NCOA2: variants seen among roughly 807,000 people sequenced by gnomAD.
The protein encoded by NCOA2 is class E basic helix-loop-helix protein 75.
In NCOA2, 21 loss-of-function variants were observed where a neutral mutation model predicts 145.1. That is an observed-to-expected ratio of 0.14 (90% CI 0.10 to 0.21). The LOEUF (loss-of-function observed/expected upper bound fraction) is 0.21. Among genes scored for constraint, NCOA2 ranks in the 10% least tolerant of loss-of-function variants. The pLI is 1.00. For synonymous variants in NCOA2, 619 were observed against 637.5 expected (o/e 0.97, Z 0.44); for missense variants, 1,472 against 1,837.6 (o/e 0.80, Z 3.64).
intron 1 of NCOA2, among the ~76,000 whole-genome samples, chr8:70,352,718 A>G (rs942120310): frequency 6.6e-6 from 1 of 152,258 alleles, no homozygotes; most frequent in African/African-American, 2.4e-5. Context: ...CCGTTACTGC[A>G]TGTAACATAC....
intron 1 of NCOA2, among the ~76,000 whole-genome samples, chr8:70,341,518 T>C (rs938176813): frequency 3.9e-5 from 6 of 152,234 alleles, no homozygotes; most frequent in Non-Finnish European, 7.3e-5. Context: ...AATATACACA[T>C]ACATAGCCAC....
intron 4 of NCOA2, among the ~76,000 whole-genome samples, chr8:70,203,877 C>T (rs1563615428): frequency 6.6e-6 from 1 of 152,144 alleles, no homozygotes; most frequent in Admixed American, 6.5e-5. Context: ...CTGCGCAGCA[C>T]TAACATAAAA....
intron 1 of NCOA2, among the ~76,000 whole-genome samples, chr8:70,402,993 C>T (rs1814490464): frequency 6.8e-6 from 1 of 146,874 alleles, no homozygotes; most frequent in South Asian, 2.1e-4. Flanking sequence ...CCCCCACCCC[C>T]GGGGCTGACA....
intron 10 of NCOA2, among the ~76,000 whole-genome samples, chr8:70,158,640 T>C (rs1320846081): frequency 6.6e-6 from 1 of 152,132 alleles, no homozygotes. Flanking sequence ...TAATCACAGC[T>C]ACTCAGGAGG....
At chr8:70,170,072 C>T in intron 6 of NCOA2, 130 bp downstream of exon 6, 1 of 872,298 alleles carries the variant, frequency 1.1e-6, no homozygotes, top group Non-Finnish European at 1.7e-6. Context: ...TAAAAAACTA[C>T]CCAGTCACTC....
intron 2 of NCOA2, 52 bp downstream of exon 2, chr8:70,296,692 A>T (rs991351265): frequency 6.6e-6 from 1 of 152,206 alleles, no homozygotes; most frequent in African/African-American, 2.4e-5. Flanking sequence ...GAATTTTAAA[A>T]TTTTAATTAA....
chr8:70,352,223 C>T (rs1377343841), intron 1 of NCOA2, among the ~76,000 whole-genome samples: 2 of 152,012 alleles, frequency 1.3e-5, no homozygotes, highest in Non-Finnish European at 2.9e-5. Flanking sequence ...GAATTGATCC[C>T]TCTCTTAATC....
At chr8:70,389,581 A>G (rs1000776900) in intron 1 of NCOA2, among the ~76,000 whole-genome samples, 1 of 146,304 alleles carries the variant, frequency 6.8e-6, no homozygotes, top group Admixed American at 6.8e-5. Flanking sequence ...TGCCTGGCCA[A>G]CGCCAACATT....
intron 11 of NCOA2, among the ~76,000 whole-genome samples, chr8:70,154,724 G>C (rs1241555713): frequency 2.0e-5 from 3 of 152,236 alleles, no homozygotes; most frequent in East Asian, 1.9e-4. Flanking sequence ...TTTTAATAAA[G>C]AAAAATAGCT....
chr8:70,412,712 T>G, the NCOA2 span, among the ~76,000 whole-genome samples: 2 of 148,660 alleles, frequency 1.3e-5, no homozygotes, highest in South Asian at 4.2e-4. Context: ...GAATCACATC[T>G]CATTTGAGTA....
chr8:70,243,702 T>C (rs915560923), intron 2 of NCOA2, among the ~76,000 whole-genome samples: 6 of 150,920 alleles, frequency 4.0e-5, no homozygotes, highest in Non-Finnish European at 1.5e-5. Context: ...GAAAATGGTA[T>C]GTAACCCTGA....
upstream of NCOA2, among the ~76,000 whole-genome samples, chr8:70,408,144 C>G (rs1397282524): frequency 6.6e-6 from 1 of 151,870 alleles, no homozygotes; most frequent in African/African-American, 2.4e-5. Flanking sequence ...AATCTTGGCT[C>G]TTACTAACTG....
At chr8:70,326,425 TCTCTCA>T (rs1806559496) in intron 1 of NCOA2, among the ~76,000 whole-genome samples, 2 of 142,240 alleles carry the variant, frequency 1.4e-5, no homozygotes, top group Non-Finnish European at 3.0e-5. Flanking sequence ...TGCATTTCTC[TCTCTCA>T]CACACACACA....
At position 70,159,528 on chromosome 8, in the gene NCOA2, T is replaced by C; in HGVS notation, c.1101A>G (p.Val367=). 1 of 1,610,338 alleles carries C rather than the reference T, an allele frequency of 6.2e-7. No homozygotes were observed. The highest frequency in any genetic ancestry group is 8.5e-7 in the Non-Finnish European group (1 of 1,176,910). The change falls in exon 10 of 23, where the codon GTA becomes GTG. Residue 367 remains valine (V), a synonymous_variant. Transcript: ENST00000452400. The part of the protein sequence containing the change: ...RSQTTNEPQL[V]ISLHMLHREQ... ...ACCTGTGAAGCATATGTAAAGATAT[T>C]ACAAGTTGAGGTTCATTAGTAGTCT...
chr8:70,427,811 A>G, the NCOA2 span, among the ~76,000 whole-genome samples: 78 of 152,348 alleles, frequency 5.1e-4, no homozygotes, highest in Admixed American at 3.3e-3. Context: ...CACTCCGTCA[A>G]CATGATTGCA....
chr8:70,151,853 T>C (rs1438450662), intron 11 of NCOA2, among the ~76,000 whole-genome samples: 1 of 152,220 alleles, frequency 6.6e-6, no homozygotes, highest in African/African-American at 2.4e-5. Flanking sequence ...AGAATATCTA[T>C]ACCCCTCAGG....
chr8:70,150,753 C>T (rs889647212), intron 11 of NCOA2, among the ~76,000 whole-genome samples: 2 of 152,170 alleles, frequency 1.3e-5, no homozygotes, highest in Non-Finnish European at 2.9e-5. Context: ...ATAGATTGTC[C>T]TCCAAGGACA....
chr8:70,233,070 C>T (rs1354173669), intron 2 of NCOA2, among the ~76,000 whole-genome samples: 1 of 144,674 alleles, frequency 6.9e-6, no homozygotes, highest in Non-Finnish European at 1.5e-5. Flanking sequence ...ACTAAAAATA[C>T]AAAAATTAGC....
At chr8:70,142,620 G>A (rs1810572233) in intron 13 of NCOA2, among the ~76,000 whole-genome samples, 1 of 152,118 alleles carries the variant, frequency 6.6e-6, no homozygotes, top group African/African-American at 2.4e-5. Context: ...GATCACTTGA[G>A]CCTGGGAGGT....
Sources: gnomAD v4.1 joint callset for allele counts (sites outside exome capture counted in the v4.1 genomes callset) on GRCh38, gnomAD v4.1.1 for gene constraint, MANE v1.5 for transcripts, NCBI Gene and HGNC (gene_info 2026-07-23, HGNC 2026-07-21) for gene names.